Variants in SAMD8 observed in about 807,000 individuals in gnomAD.
The protein encoded by SAMD8 is sphingomyelin synthase-related protein 1.
SAMD8 carries 20 observed loss-of-function variants against 42.0 expected under a neutral mutation model. That is an observed-to-expected ratio of 0.48 (90% CI 0.34 to 0.69). SAMD8 has a LOEUF of 0.69. Ranked by LOEUF, SAMD8 falls within the 30% of genes least tolerant of loss-of-function variation. The probability of loss-of-function intolerance (pLI) is 0.01; values close to 1 mark genes in which losing one functional copy is unlikely to be tolerated. For missense variants in SAMD8, 328 were observed against 511.6 expected, an observed-to-expected ratio of 0.64 and a Z score of 3.46; for synonymous variants, 162 against 173.0, an observed-to-expected ratio of 0.94 and a Z score of 0.50.
rs150329168 is a variant in SAMD8, at chr10:75,155,533, T to G, written c.578+4427T>G. On this transcript the variant is annotated intron_variant, in intron 2 of 5. Transcript: ENST00000542569. ...AATGCTGCTGAAAGGTCAAGTAAGA[T>G]GAGGATAATTGACCATTGGCTTTAG... Among the ~76,000 whole-genome samples the G allele has an allele frequency of 6.5e-3, 982 of 151,724 alleles. 40 individuals carry two copies. The highest frequency in any genetic ancestry group is 0.061 in the Admixed American group (933 of 15,222).
intron 1 of SAMD8, among the ~76,000 whole-genome samples, chr10:75,141,843 C>G (rs1407192553): frequency 2.0e-5 from 3 of 151,354 alleles, no homozygotes; most frequent in African/African-American, 7.3e-5. Flanking sequence ...GCCTGGCCTG[C>G]CTTTTGCTTC....
At chr10:75,155,767 C>G (rs1463453724) in intron 2 of SAMD8, among the ~76,000 whole-genome samples, 1 of 152,140 alleles carries the variant, frequency 6.6e-6, no homozygotes. Context: ...CCATGGGAAG[C>G]TGGTTGAGTA....
chr10:75,172,614 C>T (rs1242617809), intron 4 of SAMD8, among the ~76,000 whole-genome samples: 1 of 151,994 alleles, frequency 6.6e-6, no homozygotes, highest in Non-Finnish European at 1.5e-5. Context: ...TCTCCTGTCT[C>T]AGCCTCCCAA....
At chr10:75,161,715 A>C (rs1186879088) in intron 2 of SAMD8, among the ~76,000 whole-genome samples, 3 of 151,854 alleles carry the variant, frequency 2.0e-5, no homozygotes, top group Non-Finnish European at 2.9e-5. Context: ...AAAAAAAAAA[A>C]GTAGAGATTT....
chr10:75,105,772 G>C, intron 1 of SAMD8: 1 of 1,551,740 alleles, frequency 6.4e-7, no homozygotes, highest in Non-Finnish European at 8.7e-7. Context: ...GGTGATCACC[G>C]CCTGGCGCAG....
upstream of SAMD8, among the ~76,000 whole-genome samples, chr10:75,110,106 C>T (rs191252354): frequency 2.0e-3 from 309 of 152,274 alleles, no homozygotes; most frequent in Non-Finnish European, 2.2e-3. Flanking sequence ...TGTGAGCCGC[C>T]GTGCCGGGCC....
upstream of SAMD8, chr10:75,111,558 C>G: frequency 8.0e-7 from 1 of 1,247,028 alleles, no homozygotes; most frequent in Non-Finnish European, 1.0e-6. Flanking sequence ...GATGCCTGCG[C>G]GCAGTCGCCA....
intron 1 of SAMD8, among the ~76,000 whole-genome samples, chr10:75,128,272 C>G (rs1490870976): frequency 6.6e-6 from 1 of 152,042 alleles, no homozygotes; most frequent in Non-Finnish European, 1.5e-5. Flanking sequence ...AGCATTTCAC[C>G]ATGTTGGCTA....
chr10:75,163,779 T>C (rs4315006), intron 2 of SAMD8, among the ~76,000 whole-genome samples: 28,761 of 152,004 alleles, frequency 0.19, 2,987 homozygotes, highest in East Asian at 0.26. Context: ...CTCTCTCTCC[T>C]TTTTCTTTCT....
intron 1 of SAMD8, chr10:75,104,005 G>A: frequency 7.4e-7 from 1 of 1,357,438 alleles, no homozygotes; most frequent in Non-Finnish European, 9.8e-7. Context: ...TCTTCTGTGT[G>A]TCCGCCTGGG....
chr10:75,164,292 A>T (rs1840624717), intron 2 of SAMD8, among the ~76,000 whole-genome samples: 1 of 152,144 alleles, frequency 6.6e-6, no homozygotes, highest in African/African-American at 2.4e-5. Flanking sequence ...AGAGCACTTC[A>T]TGCAAGAAAT....
intron 1 of SAMD8, among the ~76,000 whole-genome samples, chr10:75,139,678 C>G (rs935114973): frequency 3.9e-5 from 6 of 152,046 alleles, no homozygotes; most frequent in Admixed American, 1.3e-4. Flanking sequence ...ATTTTCTGTT[C>G]TTCAGTGAAT....
chr10:75,126,830 C>T (rs1182324704), intron 1 of SAMD8, among the ~76,000 whole-genome samples: 2 of 151,754 alleles, frequency 1.3e-5, no homozygotes, highest in Non-Finnish European at 2.9e-5. Context: ...TAGTGTCTGG[C>T]ATCTCTATAT....
Position 75,159,510 on chromosome 10 carries a change from A to T in SAMD8, c.579-5135A>T, listed in dbSNP as rs543066426. 2.6e-5 allele frequency among the ~76,000 whole-genome samples: 4 copies of T among 152,192 alleles called. No homozygotes were observed. In the South Asian group the frequency reaches 8.3e-4, roughly 32 times the overall value. ...AGCAGATGCTGTCAGTGTTCCTTCT[A>T]TATCCCCTCAGATCCCTTTTCCATT... On this transcript the variant is annotated intron_variant, in intron 2 of 5. Transcript: ENST00000542569.
At chr10:75,172,785 C>T (rs1393716211) in intron 4 of SAMD8, among the ~76,000 whole-genome samples, 4 of 152,020 alleles carry the variant, frequency 2.6e-5, no homozygotes, top group Non-Finnish European at 4.4e-5. Flanking sequence ...CGTGAGCCAC[C>T]GTGCCTGGCC....
intron 1 of SAMD8, among the ~76,000 whole-genome samples, chr10:75,102,965 T>A (rs1336134269): frequency 6.6e-6 from 1 of 151,816 alleles, no homozygotes; most frequent in Non-Finnish European, 1.5e-5. Flanking sequence ...AAAAAAACAT[T>A]AGCTGGTTGT....
At chr10:75,119,234 T>C (rs1259738106) in intron 1 of SAMD8, among the ~76,000 whole-genome samples, 2 of 152,124 alleles carry the variant, frequency 1.3e-5, no homozygotes, top group Non-Finnish European at 2.9e-5. Flanking sequence ...CTCAGCTCGC[T>C]GCAACCTCCG....
At chr10:75,170,095 T>C (rs773683023) in intron 4 of SAMD8, among the ~76,000 whole-genome samples, 7 of 152,206 alleles carry the variant, frequency 4.6e-5, no homozygotes, top group Non-Finnish European at 8.8e-5. Context: ...ATTATGCAGA[T>C]GGGAACAAAA....
chr10:75,118,979 G>A lies in SAMD8; in HGVS notation c.-16+7257G>A, dbSNP rs141399815. On this transcript the variant is annotated intron_variant, in intron 1 of 5. Coordinates refer to ENST00000542569, the MANE Select transcript of SAMD8 (RefSeq NM_001174156.2). Reference sequence around the variant, plus strand: ...TTGATTTAGCTGTATTTCAGCTTCAGTGCATCTATAATATATAATTGCCCT... The same window carrying A: ...TTGATTTAGCTGTATTTCAGCTTCAATGCATCTATAATATATAATTGCCCT... Among the ~76,000 whole-genome samples the A allele has an allele frequency of 3.4e-3, 513 of 152,214 alleles. 2 individuals carry two copies. The highest frequency in any genetic ancestry group is 0.011 in the African/African-American group (475 of 41,518).
Sources: gnomAD v4.1 joint callset for allele counts (sites outside exome capture counted in the v4.1 genomes callset) on GRCh38, gnomAD v4.1.1 for gene constraint, MANE v1.5 for transcripts, NCBI Gene and HGNC (gene_info 2026-07-23, HGNC 2026-07-21) for gene names.